The following CPD variants were observed in gnomAD, a reference collection of about 807,000 sequenced individuals.
CPD encodes the protein carboxypeptidase D, also known as metallocarboxypeptidase D.
In CPD, 69 loss-of-function variants were observed where a neutral mutation model predicts 138.3. The ratio of observed to expected loss-of-function variants is 0.50; its 90% CI spans 0.41 to 0.61. CPD has a LOEUF of 0.61. CPD is among the 20% of genes least tolerant of loss of function. CPD has a pLI of 0.00. For synonymous variants in CPD, 651 were observed against 642.1 expected (o/e 1.01, Z -0.21); for missense variants, 1,432 against 1,733.3 (o/e 0.83, Z 3.09).
chr17:30,384,387 A>T (rs1050152714), intron 1 of CPD, among the ~76,000 whole-genome samples: 1 of 152,242 alleles, frequency 6.6e-6, no homozygotes, highest in African/African-American at 2.4e-5. Context: ...AAAAGTTATT[A>T]ACCTAACATA....
chr17:30,391,655 C>T (rs1034260368), intron 2 of CPD, among the ~76,000 whole-genome samples: 8 of 152,258 alleles, frequency 5.3e-5, no homozygotes, highest in African/African-American at 1.9e-4. Flanking sequence ...TCTGCCTTGA[C>T]TAGCTGTGTG....
At chr17:30,449,442 C>A in intron 12 of CPD, 111 bp from the exon 13 acceptor site, 2 of 984,218 alleles carry the variant, frequency 2.0e-6, no homozygotes, top group Non-Finnish European at 2.9e-6. Context: ...TCTTTAAAGA[C>A]TTTTTAAAAC....
intron 17 of CPD, among the ~76,000 whole-genome samples, chr17:30,457,733 G>A (rs558672310): frequency 4.3e-4 from 65 of 150,872 alleles, no homozygotes; most frequent in Admixed American, 1.7e-3. Context: ...TGGCTCCTTC[G>A]CAGCTTATTG....
chr17:30,417,358 G>A (rs1264946881), intron 2 of CPD, among the ~76,000 whole-genome samples: 1 of 152,054 alleles, frequency 6.6e-6, no homozygotes. Context: ...AAAGAAAACT[G>A]AACTTCCTAG....
At chr17:30,393,597 T>TTAACA (rs1273485803) in intron 2 of CPD, among the ~76,000 whole-genome samples, 1 of 152,190 alleles carries the variant, frequency 6.6e-6, no homozygotes, top group Non-Finnish European at 1.5e-5. Flanking sequence ...AGATCATAAC[T>TTAACA]GTTAGATCAC....
chr17:30,455,511 A>G (rs780250960), intron 15 of CPD, 41 bp downstream of exon 15: 1 of 1,583,042 alleles, frequency 6.3e-7, no homozygotes. Context: ...GTTTAAGCTT[A>G]GGTAGCAAAT....
Position 30,420,945 on chromosome 17 carries a change from G to C in CPD, c.1099G>C (p.Glu367Gln). ...PPASQLRQEW[E>Q]NNRESLITLI... ...TGCTTCACAGCTTCGACAGGAATGG[G>C]AGAACAATCGTGAGTCTTTGATCAC... The change falls in exon 3 of 21, where the codon GAG becomes CAG. Residue 367 changes from glutamate to glutamine, a missense_variant. Glu to Gln is a conservative substitution (Grantham distance 29, BLOSUM62 2). Transcript: ENST00000225719. 6.2e-7 allele frequency: 1 copy of C among 1,613,884 alleles called. No individual in the cohort carries two copies. Among genetic ancestry groups the C allele is most frequent in the Non-Finnish European group, 8.5e-7 (1 of 1,179,818 alleles).
chr17:30,384,966 G>A (rs751542773), intron 1 of CPD, 23 bp from the exon 2 acceptor site: 4 of 1,602,750 alleles, frequency 2.5e-6, no homozygotes, highest in East Asian at 2.2e-5. Flanking sequence ...TTAGTGATAC[G>A]TGATTTGGTT....
At chr17:30,415,902 G>T (rs962077953) in intron 2 of CPD, among the ~76,000 whole-genome samples, 1 of 152,200 alleles carries the variant, frequency 6.6e-6, no homozygotes, top group African/African-American at 2.4e-5. Context: ...AATACTGCAT[G>T]ATTTCACTTA....
Position 30,387,258 on chromosome 17 carries a change from C to T in CPD, c.994+2022C>T, listed in dbSNP as rs185189716. On this transcript the variant is annotated intron_variant, in intron 2 of 20. Coordinates refer to ENST00000225719, the MANE Select transcript of CPD (RefSeq NM_001304.5). The stretch of plus-strand genomic sequence containing the variant: ...TCAGCCTCCCAAGTAGCTGGGATTA[C>T]AGGTGCCTGCCACCAGGCCCAGCTA... Among the ~76,000 whole-genome samples the T allele has an allele frequency of 3.9e-3, 590 of 152,238 alleles. 16 individuals are homozygous for T. The highest frequency in any genetic ancestry group is 3.4e-3 in the Middle Eastern group (1 of 294).
At chr17:30,406,682 C>T (rs1389920061) in intron 2 of CPD, among the ~76,000 whole-genome samples, 2 of 152,130 alleles carry the variant, frequency 1.3e-5, no homozygotes, top group African/African-American at 2.4e-5. Context: ...TGTTACTCTA[C>T]GTCATTGCCT....
At chr17:30,456,572 A>G in intron 17 of CPD, 46 bp downstream of exon 17, 1 of 1,577,224 alleles carries the variant, frequency 6.3e-7, no homozygotes, top group Non-Finnish European at 8.7e-7. Context: ...GGCCAGGCAC[A>G]ATGCCGTATG....
At chr17:30,419,983 A>C (rs1451493194) in intron 2 of CPD, among the ~76,000 whole-genome samples, 1 of 152,238 alleles carries the variant, frequency 6.6e-6, no homozygotes, top group African/African-American at 2.4e-5. Context: ...CCACATTTGT[A>C]CTTTCCAAGA....
At chr17:30,403,269 G>A (rs892619386) in intron 2 of CPD, among the ~76,000 whole-genome samples, 3 of 152,122 alleles carry the variant, frequency 2.0e-5, no homozygotes, top group Admixed American at 2.0e-4. Context: ...GATCTGTACT[G>A]TATGTGCACC....
Position 30,427,477 on chromosome 17 carries a change from G to C in CPD, c.1936G>C (p.Asp646His), listed in dbSNP as rs1318344401. Residue 646 changes from aspartate (D) to histidine (H), a missense_variant, in exon 7 of 21, where the codon GAT (aspartate) becomes CAT (histidine). Asp to His is a moderately conservative substitution (Grantham distance 81). Coordinates refer to ENST00000225719, the MANE Select transcript of CPD (RefSeq NM_001304.5). ...NFPDQFVQIT[D>H]PTQPETIAVM... is the part of the protein sequence containing the mutation. ...CCCAGACCAGTTTGTTCAGATCACA[G>C]ATCCTACGCAACCAGAAACTATTGC... 2 of 1,614,048 alleles carry C rather than the reference G, an allele frequency of 1.2e-6. No homozygotes were observed. The highest frequency in any genetic ancestry group is 2.7e-5 in the African/African-American group (2 of 74,922).
At chr17:30,401,838 A>T (rs1412920296) in intron 2 of CPD, among the ~76,000 whole-genome samples, 1 of 151,602 alleles carries the variant, frequency 6.6e-6, no homozygotes, top group Non-Finnish European at 1.5e-5. Context: ...ATACCCATGC[A>T]TGGATTTTTT....
At chr17:30,382,841 ATTTG>A (rs956488970) in intron 1 of CPD, among the ~76,000 whole-genome samples, 39 of 152,224 alleles carry the variant, frequency 2.6e-4, no homozygotes, top group African/African-American at 7.5e-4. Context: ...CCCAGAGGGT[ATTTG>A]TTTGTTTGTT....
chr17:30,459,751 T>G (rs1054317729), intron 17 of CPD, among the ~76,000 whole-genome samples: 3 of 152,202 alleles, frequency 2.0e-5, no homozygotes, highest in Non-Finnish European at 4.4e-5. Context: ...AGTATTGACA[T>G]CTCTACAATA....
intron 8 of CPD, among the ~76,000 whole-genome samples, chr17:30,436,321 T>G (rs965438013): frequency 2.6e-5 from 4 of 152,036 alleles, no homozygotes; most frequent in Non-Finnish European, 4.4e-5. Context: ...CCCCAAAAAA[T>G]AAATAAATAG....
Sources: gnomAD v4.1 joint callset for allele counts (sites outside exome capture counted in the v4.1 genomes callset) on GRCh38, gnomAD v4.1.1 for gene constraint, MANE v1.5 for transcripts, NCBI Gene and HGNC (gene_info 2026-07-23, HGNC 2026-07-21) for gene names.